The following CD99 variants were observed in gnomAD, a reference collection of about 807,000 sequenced individuals.
CD99 encodes the protein CD99 molecule (Xg blood group).
In CD99, 19 loss-of-function variants were observed where a neutral mutation model predicts 28.4. The ratio of observed to expected loss-of-function variants is 0.67; its 90% confidence interval spans 0.47 to 0.98. CD99 has a LOEUF of 0.98. CD99 is among the 50% of genes least tolerant of loss of function. The pLI is 0.00. For synonymous variants in CD99, 103 were observed against 92.1 expected (o/e 1.12, Z -0.67); for missense variants, 283 against 248.8 (o/e 1.14, Z -0.92).
intron 1 of CD99, among the ~76,000 whole-genome samples, chrX:2,698,775 T>C (rs2047696646): frequency 6.6e-6 from 1 of 152,150 alleles, no homozygotes; most frequent in Admixed American, 6.5e-5. Flanking sequence ...TGAGTGATGG[T>C]TTCAGACACA....
chrX:2,733,217 A>G, intron 8 of CD99: 1 of 858,834 alleles, frequency 1.2e-6, no homozygotes, highest in African/African-American at 1.7e-5. Context: ...TTGAGCCTCT[A>G]TCCCATTACT....
chrX:2,691,853 G>A, intron 1 of CD99: 1 of 778,548 alleles, frequency 1.3e-6, no homozygotes, highest in Non-Finnish European at 2.4e-6. Flanking sequence ...TCACAGCCAC[G>A]CCCTGCGTCC....
intron 8 of CD99, among the ~76,000 whole-genome samples, chrX:2,727,010 G>A (rs1454598640): frequency 5.3e-5 from 8 of 152,106 alleles, no homozygotes; most frequent in South Asian, 2.1e-4. Flanking sequence ...GGTGGCGGGC[G>A]TCTGTAGTCC....
At chrX:2,717,525 A>C (rs2048787470) in intron 2 of CD99, 80 bp from the exon 3 acceptor site, 3 of 1,132,712 alleles carry the variant, frequency 2.6e-6, no homozygotes, top group East Asian at 2.3e-5. Context: ...CAAGAAAATG[A>C]AACATCCTTA....
intron 8 of CD99, among the ~76,000 whole-genome samples, chrX:2,730,977 T>G (rs768456440): frequency 1.3e-5 from 2 of 151,722 alleles, no homozygotes; most frequent in South Asian, 4.2e-4. Flanking sequence ...AAGGCACTCT[T>G]CTATAAATAC....
chrX:2,733,359 G>A (rs2049774330), intron 8 of CD99: 1 of 1,590,142 alleles, frequency 6.3e-7, no homozygotes, highest in Non-Finnish European at 8.6e-7. Context: ...CATTTCAGAT[G>A]GCTGAAGACC....
chrX:2,737,896 G>A (rs2050026192), intron 8 of CD99: 1 of 572,488 alleles, frequency 1.7e-6, no homozygotes, highest in Admixed American at 3.0e-5. Context: ...GCTTCCATGT[G>A]CGTGTTCCTC....
chrX:2,699,832 A>G (rs2047762593), intron 1 of CD99, among the ~76,000 whole-genome samples: 1 of 152,116 alleles, frequency 6.6e-6, no homozygotes, highest in African/African-American at 2.4e-5. Context: ...TTATTTTACT[A>G]GATATTCTGT....
intron 9 of CD99, 30 bp from the exon 10 acceptor site, chrX:2,740,749 A>G (rs781775430): frequency 6.2e-7 from 1 of 1,613,062 alleles, no homozygotes; most frequent in Non-Finnish European, 8.5e-7. Flanking sequence ...GGACCTGGGA[A>G]TGACTTTCTT....
At chrX:2,698,202 T>TA (rs1010029906) in intron 1 of CD99, among the ~76,000 whole-genome samples, 16 of 150,410 alleles carry the variant, frequency 1.1e-4, no homozygotes, top group Non-Finnish European at 2.2e-4. Context: ...TTTTTTTTTT[T>TA]AGACTTGCCC....
intron 7 of CD99, 95 bp from the exon 8 acceptor site, chrX:2,726,165 C>G (rs1446769300): frequency 5.4e-5 from 39 of 725,308 alleles, no homozygotes; most frequent in Middle Eastern, 3.9e-4. Flanking sequence ...GATCTTGGTG[C>G]TCTCAGACTG....
intron 7 of CD99, among the ~76,000 whole-genome samples, chrX:2,725,266 T>C (rs1037960760): frequency 6.6e-6 from 1 of 151,568 alleles, no homozygotes; most frequent in African/African-American, 2.4e-5. Context: ...GGCATGGTGG[T>C]GCACACCTGT....
intron 1 of CD99, among the ~76,000 whole-genome samples, chrX:2,709,682 ACG>A (rs890389475): frequency 2.0e-5 from 3 of 152,220 alleles, no homozygotes; most frequent in African/African-American, 7.2e-5. Flanking sequence ...GCACATCCAC[ACG>A]CGCACATGCA....
At position 2,726,653 on chromosome X, in the gene CD99, G is replaced by A. The variant is rs1358025857; in HGVS notation, c.475+280G>A. The stretch of plus-strand genomic sequence containing the variant: ...GGGAAATGGTTGGTACATATGCCGC[G>A]GAATTGTTGCTGGGGTTAGAGACAG... On this transcript the variant is annotated intron_variant, in intron 8 of 9. Coordinates refer to ENST00000381192, the MANE Select transcript of CD99 (RefSeq NM_002414.5). 4.6e-5 allele frequency among the ~76,000 whole-genome samples: 7 copies of A among 151,900 alleles called. No individual in the cohort carries two copies. In the South Asian group the frequency reaches 6.2e-4, roughly 14 times the overall value.
chrX:2,711,091 T>A (rs1314143889), intron 1 of CD99, among the ~76,000 whole-genome samples: 2 of 150,662 alleles, frequency 1.3e-5, no homozygotes, highest in Non-Finnish European at 2.9e-5. Context: ...TGGGCTGGTC[T>A]CGAACTCCTG....
At position 2,726,313 on chromosome X, in the gene CD99, G is replaced by A. The variant is rs2049280257; in HGVS notation, c.415G>A (p.Ala139Thr). ...TGTGGGGGCTGTCGTGGTCGCCGTG[G>A]CTGGAGCCATCTCTAGCTTCATTGC... ...GIVGAVVVAV[A>T]GAISSFIAYQ... Residue 139 changes from alanine to threonine, a missense_variant, in exon 8 of 10, where the codon GCT becomes ACT. Coordinates refer to ENST00000381192, the MANE Select transcript of CD99 (RefSeq NM_002414.5). 6.2e-7 allele frequency: 1 copy of A among 1,612,136 alleles called. No homozygotes were observed.
chrX:2,717,158 C>A (rs1375573080), intron 2 of CD99, among the ~76,000 whole-genome samples: 1 of 151,954 alleles, frequency 6.6e-6, no homozygotes, highest in South Asian at 2.1e-4. Context: ...ACCAACCTGG[C>A]CAACGTGGTG....
At chrX:2,739,259 C>A (rs934207148) in intron 9 of CD99, among the ~76,000 whole-genome samples, 1 of 152,006 alleles carries the variant, frequency 6.6e-6, no homozygotes, top group African/African-American at 2.4e-5. Context: ...GGGTAAAAGG[C>A]AGGCATTTTG....
At chrX:2,728,871 C>G (rs1232816511) in intron 8 of CD99, among the ~76,000 whole-genome samples, 2 of 137,428 alleles carry the variant, frequency 1.5e-5, no homozygotes, top group South Asian at 4.5e-4. Context: ...GAGTCTCGCT[C>G]TATCGCCCAG....
Sources: gnomAD v4.1 joint callset for allele counts (sites outside exome capture counted in the v4.1 genomes callset) on GRCh38, gnomAD v4.1.1 for gene constraint, MANE v1.5 for transcripts, NCBI Gene and HGNC (gene_info 2026-07-23, HGNC 2026-07-21) for gene names.